The following HYDIN variants were observed in gnomAD, a reference collection of about 807,000 sequenced individuals.
The protein encoded by HYDIN is axonemal central pair apparatus protein HYDIN.
In HYDIN, 132 loss-of-function variants were observed where a neutral mutation model predicts 403.9. That is an observed-to-expected ratio of 0.33 (90% CI 0.28 to 0.38). HYDIN has a LOEUF of 0.38. Among genes scored for constraint, HYDIN ranks in the 10% least tolerant of loss-of-function variants. The pLI, the probability that HYDIN is intolerant of heterozygous loss-of-function variation, is 1.00. For missense variants in HYDIN, 2,827 were observed against 5,009.5 expected (o/e 0.56, Z 13.15); for synonymous variants, 1,202 against 1,891.7 (o/e 0.64, Z 9.46).
chr16:71,176,849 G>C (rs1343265492), intron 4 of HYDIN, among the ~76,000 whole-genome samples: 1 of 152,172 alleles, frequency 6.6e-6, no homozygotes. Flanking sequence ...AGACACAAAA[G>C]TAATAACCTG....
At position 71,020,258 on chromosome 16, in the gene HYDIN, G is replaced by A. The variant is rs541967131; in HGVS notation, c.3246C>T (p.Thr1082=). 60 of 1,614,028 alleles carry A rather than the reference G, an allele frequency of 3.7e-5. No homozygotes were observed. In the South Asian group the frequency reaches 6.4e-4, roughly 17 times the overall value. The change falls in exon 22 of 86, where the codon ACC becomes ACT. Residue 1082 remains threonine (T), a synonymous_variant. Transcript: ENST00000393567. ...YQPLAIKNIS[T]LPVNLLLSTS... ...TTGACAGCAACAAGTTCACGGGCAG[G>A]GTGGAAATGTTCTTTATGGCCAAGG...
At chr16:70,890,876 C>T (rs950688633) in intron 57 of HYDIN, among the ~76,000 whole-genome samples, 16 of 151,584 alleles carry the variant, frequency 1.1e-4, no homozygotes, top group African/African-American at 1.5e-4. Context: ...AAGGCATCAC[C>T]GCACTTCCTC....
intron 83 of HYDIN, among the ~76,000 whole-genome samples, chr16:70,821,570 C>T (rs2036263777): frequency 6.6e-6 from 1 of 152,038 alleles, no homozygotes; most frequent in South Asian, 2.1e-4. Flanking sequence ...TTATCGCTGT[C>T]CCTCTCGCTG....
At chr16:71,048,800 T>C (rs528798826) in intron 18 of HYDIN, among the ~76,000 whole-genome samples, 176 of 152,204 alleles carry the variant, frequency 1.2e-3, no homozygotes, top group Non-Finnish European at 5.1e-4. Flanking sequence ...AAATAATCTG[T>C]ACACCAAATC....
At chr16:71,068,086 T>C (rs1486785334) in intron 14 of HYDIN, among the ~76,000 whole-genome samples, 2 of 148,664 alleles carry the variant, frequency 1.3e-5, no homozygotes, top group Non-Finnish European at 3.0e-5. Context: ...AGATTGAGGG[T>C]CAAGGGAGGC....
At chr16:71,049,308 G>C (rs564190130) in intron 18 of HYDIN, among the ~76,000 whole-genome samples, 43 of 152,356 alleles carry the variant, frequency 2.8e-4, no homozygotes, top group African/African-American at 9.9e-4. Flanking sequence ...TGATGTTCCT[G>C]AAGCTATACC....
chr16:70,894,272 CG>C (rs1345185166), intron 55 of HYDIN, 176 bp downstream of exon 55: 4 of 592,864 alleles, frequency 6.7e-6, no homozygotes, highest in Non-Finnish European at 1.2e-5. Context: ...AAAGCAGAGA[CG>C]GTTCTTATGA....
chr16:71,143,748 G>A (rs1461958325), intron 7 of HYDIN, among the ~76,000 whole-genome samples: 2 of 152,274 alleles, frequency 1.3e-5, no homozygotes, highest in Non-Finnish European at 2.9e-5. Context: ...CTGCAAAGCA[G>A]CAACATTACA....
chr16:70,954,460 A>G (rs116934562), intron 40 of HYDIN, among the ~76,000 whole-genome samples: 1 of 151,126 alleles, frequency 6.6e-6, no homozygotes, highest in Non-Finnish European at 1.5e-5. Flanking sequence ...CTCAAAAAAA[A>G]AAAAAAAAAA....
At chr16:71,161,207 T>C (rs1567391264) in intron 6 of HYDIN, among the ~76,000 whole-genome samples, 2 of 149,778 alleles carry the variant, frequency 1.3e-5, no homozygotes, top group Admixed American at 1.3e-4. Context: ...CTAGATCTCT[T>C]ACACGCACAG....
chr16:70,999,950 C>T (rs1162078695), intron 23 of HYDIN, among the ~76,000 whole-genome samples: 4 of 152,090 alleles, frequency 2.6e-5, no homozygotes, highest in Admixed American at 6.5e-5. Flanking sequence ...AAGGTGTCCC[C>T]ACTGCTACAT....
chr16:71,207,748 C>CA (rs1320405647), intron 1 of HYDIN, among the ~76,000 whole-genome samples: 6 of 149,366 alleles, frequency 4.0e-5, no homozygotes, highest in South Asian at 2.1e-4. Context: ...CAAATAGAAA[C>CA]AAAAAAAAAG....
chr16:70,853,888 CTTTCTT>C (rs2038834939), intron 73 of HYDIN, among the ~76,000 whole-genome samples: 1 of 141,912 alleles, frequency 7.0e-6, no homozygotes, highest in African/African-American at 2.9e-5. Flanking sequence ...CTTCTTCTTT[CTTTCTT>C]TTTTTTTTTT....
intron 1 of HYDIN, among the ~76,000 whole-genome samples, chr16:71,225,348 C>T (rs2040986305): frequency 2.0e-5 from 3 of 152,134 alleles, no homozygotes; most frequent in Non-Finnish European, 4.4e-5. Context: ...TAGCCCTGGC[C>T]CTGAGCCAAA....
intron 67 of HYDIN, among the ~76,000 whole-genome samples, chr16:70,863,558 C>T (rs1351555514): frequency 6.6e-6 from 1 of 152,114 alleles, no homozygotes; most frequent in African/African-American, 2.4e-5. Context: ...CAGGCCCTCC[C>T]TTTCTGAATC....
chr16:70,997,214 C>T (rs1177754052), intron 23 of HYDIN, among the ~76,000 whole-genome samples: 1 of 140,132 alleles, frequency 7.1e-6, no homozygotes, highest in Non-Finnish European at 1.6e-5. Flanking sequence ...GCTGTAAATA[C>T]AGATGAAGCT....
At chr16:71,043,283 C>T (rs957659500) in intron 18 of HYDIN, among the ~76,000 whole-genome samples, 3 of 149,606 alleles carry the variant, frequency 2.0e-5, no homozygotes, top group Non-Finnish European at 4.5e-5. Context: ...GGGCCTGTTT[C>T]CATCCACCGT....
intron 1 of HYDIN, among the ~76,000 whole-genome samples, chr16:71,187,599 G>A (rs1050284582): frequency 2.0e-5 from 3 of 151,808 alleles, no homozygotes; most frequent in African/African-American, 7.3e-5. Context: ...CTAAAAAAGA[G>A]AACTAAAAAT....
intron 18 of HYDIN, among the ~76,000 whole-genome samples, chr16:71,051,981 GA>G: frequency 7.3e-6 from 1 of 136,368 alleles, no homozygotes; most frequent in South Asian, 2.3e-4. Flanking sequence ...GATGACAAAG[GA>G]AGTGTAAGAC....
Sources: allele counts gnomAD v4.1 joint callset (sites outside exome capture counted in the v4.1 genomes callset), GRCh38; gene constraint gnomAD v4.1.1; transcripts MANE v1.5; gene names NCBI Gene and HGNC (gene_info 2026-07-23, HGNC 2026-07-21).